Variants in GPHN observed in about 807,000 individuals in gnomAD.
GPHN encodes the protein gephyrin.
GPHN carries 17 observed loss-of-function variants against 95.5 expected under a neutral mutation model. The observed-to-expected ratio is 0.18, with a 90% CI of 0.12 to 0.27. The LOEUF is 0.27. Among genes scored for constraint, GPHN ranks in the 10% least tolerant of loss-of-function variants. The pLI, the probability that GPHN is intolerant of heterozygous loss-of-function variation, is 1.00. For synonymous variants in GPHN, 320 were observed against 322.5 expected, an observed-to-expected ratio of 0.99 and a Z score of 0.08; for missense variants, 660 against 978.1, an observed-to-expected ratio of 0.67 and a Z score of 4.34.
chr14:66,877,888 A>T (rs1457613473), intron 4 of GPHN, among the ~76,000 whole-genome samples: 1 of 151,528 alleles, frequency 6.6e-6, no homozygotes, highest in Non-Finnish European at 1.5e-5. Flanking sequence ...CTACTTTAAT[A>T]TGGAACCAAA....
At chr14:67,016,227 T>C (rs1300171082) in intron 9 of GPHN, among the ~76,000 whole-genome samples, 3 of 152,122 alleles carry the variant, frequency 2.0e-5, no homozygotes, top group East Asian at 1.9e-4. Flanking sequence ...CCTACAGATA[T>C]TTTTTTCATA....
the GPHN span, among the ~76,000 whole-genome samples, chr14:67,599,034 T>A: frequency 6.6e-6 from 1 of 152,174 alleles, no homozygotes; most frequent in African/African-American, 2.4e-5. Flanking sequence ...GTTTAGATAG[T>A]TAGATAGTTT....
the GPHN span, among the ~76,000 whole-genome samples, chr14:67,220,942 T>C: frequency 6.6e-6 from 1 of 152,254 alleles, no homozygotes; most frequent in Non-Finnish European, 1.5e-5. Flanking sequence ...TTTTGTAGGA[T>C]AATAGCTAAG....
chr14:67,656,675 G>C, the GPHN span: 13 of 1,427,222 alleles, frequency 9.1e-6, no homozygotes, highest in Middle Eastern at 1.8e-4. Flanking sequence ...CCCCATGTTA[G>C]AAGGGATATA....
intron 1 of GPHN, among the ~76,000 whole-genome samples, chr14:66,570,792 T>C (rs983848120): frequency 7.2e-5 from 11 of 152,228 alleles, no homozygotes; most frequent in African/African-American, 2.7e-4. Flanking sequence ...TTCCATCTTT[T>C]TGATAATAGC....
At chr14:67,503,257 G>C in the GPHN span, among the ~76,000 whole-genome samples, 73 of 152,302 alleles carry the variant, frequency 4.8e-4, 1 homozygote, top group East Asian at 8.7e-3. Flanking sequence ...ATGGTCTCTG[G>C]CTTCTAAAAG....
chr14:67,297,681 A>T, the GPHN span, among the ~76,000 whole-genome samples: 1 of 150,074 alleles, frequency 6.7e-6, no homozygotes, highest in South Asian at 2.1e-4. Flanking sequence ...TTATAGAAAT[A>T]TTTAAGTAGA....
the GPHN span, among the ~76,000 whole-genome samples, chr14:67,423,326 T>C: frequency 6.6e-6 from 1 of 152,304 alleles, no homozygotes; most frequent in South Asian, 2.1e-4. Context: ...AATTTTGTAA[T>C]TATTTTTTAC....
Position 67,181,634 on chromosome 14 carries a change from C to A in GPHN, c.*697C>A. The A allele has an allele frequency of 6.3e-6, 2 of 317,920 alleles. No individual in the cohort carries two copies. Among genetic ancestry groups the A allele is most frequent in the Non-Finnish European group, 6.2e-6 (1 of 161,804 alleles). 19.7% of individuals were successfully genotyped at this position (317,920 alleles called of 1,614,324 possible). A position where few individuals can be genotyped will look rare whatever the true frequency, so the allele number is the denominator to read the frequency against. On this transcript the variant is annotated 3_prime_UTR_variant, in exon 23 of 23. Coordinates refer to ENST00000478722, the MANE Select transcript of GPHN (RefSeq NM_020806.5). ...CCAATACATTTAAAATTGTACAGAACAAAAAAATAAAATCAAAGACTGATC... is the reference window on the plus strand; with the variant it reads ...CCAATACATTTAAAATTGTACAGAAAAAAAAAATAAAATCAAAGACTGATC...
chr14:66,520,627 G>A (rs2058439605), intron 1 of GPHN, among the ~76,000 whole-genome samples: 1 of 152,048 alleles, frequency 6.6e-6, no homozygotes, highest in African/African-American at 2.4e-5. Context: ...TTATAGAGGA[G>A]GGGTAGATTG....
chr14:67,040,914 A>C (rs957500601), intron 10 of GPHN, among the ~76,000 whole-genome samples: 1 of 152,206 alleles, frequency 6.6e-6, no homozygotes, highest in Non-Finnish European at 1.5e-5. Flanking sequence ...ACTGTAGTTA[A>C]TGAGTACAGT....
At chr14:66,937,966 T>C (rs1181929928) in intron 8 of GPHN, among the ~76,000 whole-genome samples, 1 of 152,192 alleles carries the variant, frequency 6.6e-6, no homozygotes. Flanking sequence ...TGATCTTCCT[T>C]ACCACATAAA....
the GPHN span, among the ~76,000 whole-genome samples, chr14:67,416,818 T>G: frequency 1.3e-5 from 2 of 152,236 alleles, no homozygotes; most frequent in African/African-American, 4.8e-5. Context: ...CCGGGGACAC[T>G]GCAGTTCACA....
the GPHN span, among the ~76,000 whole-genome samples, chr14:67,715,610 TTCTAC>T: frequency 6.6e-6 from 1 of 152,342 alleles, no homozygotes; most frequent in East Asian, 1.9e-4. Context: ...TTAGTTTCAT[TTCTAC>T]TTTACTCTAT....
chr14:67,157,370 GAATT>G (rs2081657312), intron 18 of GPHN, among the ~76,000 whole-genome samples: 1 of 152,030 alleles, frequency 6.6e-6, no homozygotes, highest in South Asian at 2.1e-4. Flanking sequence ...AAAAATACGT[GAATT>G]AATTAATTAA....
the GPHN span, among the ~76,000 whole-genome samples, chr14:67,489,766 G>A: frequency 3.3e-5 from 5 of 152,276 alleles, no homozygotes; most frequent in African/African-American, 7.2e-5. Context: ...CGAGGCGGGC[G>A]GATCACGAGG....
At chr14:66,515,129 T>C (rs1428403342) in intron 1 of GPHN, among the ~76,000 whole-genome samples, 1 of 152,208 alleles carries the variant, frequency 6.6e-6, no homozygotes, top group Non-Finnish European at 1.5e-5. Context: ...TGTATGTTGC[T>C]TTGGGAGCAA....
chr14:66,769,644 A>G (rs571341620), intron 2 of GPHN, among the ~76,000 whole-genome samples: 1 of 152,296 alleles, frequency 6.6e-6, no homozygotes, highest in East Asian at 1.9e-4. Context: ...AGTCCCTGCA[A>G]AGGACATTAT....
chr14:67,097,903 C>T (rs2077481358), intron 12 of GPHN, among the ~76,000 whole-genome samples: 5 of 152,044 alleles, frequency 3.3e-5, no homozygotes, highest in African/African-American at 7.2e-5. Context: ...TATAAATATA[C>T]ATACATACAC....
Sources: allele counts gnomAD v4.1 joint callset (sites outside exome capture counted in the v4.1 genomes callset), GRCh38; gene constraint gnomAD v4.1.1; transcripts MANE v1.5; gene names NCBI Gene and HGNC (gene_info 2026-07-23, HGNC 2026-07-21).